KIF1B: variants seen among roughly 807,000 people sequenced by gnomAD.
The protein encoded by KIF1B is kinesin family member 1B.
In KIF1B, 76 loss-of-function variants were observed where a neutral mutation model predicts 241.9. The ratio of observed to expected loss-of-function variants is 0.31; its 90% CI spans 0.26 to 0.38. KIF1B has a LOEUF of 0.38. KIF1B is among the 10% of genes least tolerant of loss of function. The pLI is 1.00. For synonymous variants in KIF1B, 750 were observed against 796.7 expected, an observed-to-expected ratio of 0.94 and a Z score of 0.99; for missense variants, 1,622 against 2,271.4, an observed-to-expected ratio of 0.71 and a Z score of 5.81.
chr1:10,242,309 A>G (rs1237005628), intron 2 of KIF1B, among the ~76,000 whole-genome samples: 1 of 152,026 alleles, frequency 6.6e-6, no homozygotes, highest in East Asian at 1.9e-4. Context: ...TGCAAACAGC[A>G]TGGAGTGTAC....
In KIF1B at chr1:10,374,764, C is replaced by A. The variant is rs1252803086; in HGVS notation, c.5097-90C>A. The stretch of plus-strand genomic sequence containing the variant: ...TTGCCTGTTTCATCGAATCTAAGGA[C>A]TTGGCCTAAGTGTGGCGTATTTTGA... On this transcript the variant is annotated intron_variant, in intron 46 of 48. Coordinates refer to ENST00000676179, the MANE Select transcript of KIF1B (RefSeq NM_001365951.3). This position sits in a 1 kb window ranked among gnomAD's most constrained non-coding sequence, Gnocchi z 4.3. 2 of 1,246,864 alleles carry A rather than the reference C, an allele frequency of 1.6e-6. No homozygotes were observed. The highest frequency in any genetic ancestry group is 2.3e-5 in the East Asian group (1 of 42,724). 77.2% of individuals were successfully genotyped at this position (1,246,864 alleles called of 1,614,324 possible).
At chr1:10,291,971 T>G in intron 16 of KIF1B, 76 bp from the exon 17 acceptor site, 1 of 1,294,300 alleles carries the variant, frequency 7.7e-7, no homozygotes. Flanking sequence ...TTGCAGGCTT[T>G]ATTTTCCAAT....
intron 3 of KIF1B, among the ~76,000 whole-genome samples, chr1:10,256,651 C>G (rs1381243955): frequency 6.6e-6 from 1 of 151,094 alleles, no homozygotes; most frequent in Non-Finnish European, 1.5e-5. Flanking sequence ...TTAGGATCCT[C>G]ATTACCAACA....
At chr1:10,251,121 G>A (rs892983493) in intron 2 of KIF1B, among the ~76,000 whole-genome samples, 8 of 152,142 alleles carry the variant, frequency 5.3e-5, no homozygotes, top group African/African-American at 1.7e-4. Context: ...AGCCGAGATC[G>A]TGCCACTGCA....
chr1:10,260,886 C>CCACA (rs1168814982), intron 4 of KIF1B, among the ~76,000 whole-genome samples: 1 of 150,660 alleles, frequency 6.6e-6, no homozygotes, highest in Non-Finnish European at 1.5e-5. Flanking sequence ...AAAAAAGAAA[C>CCACA]CACACACACA....
intron 4 of KIF1B, among the ~76,000 whole-genome samples, chr1:10,260,470 C>T (rs146214571): frequency 8.5e-5 from 13 of 152,236 alleles, no homozygotes; most frequent in African/African-American, 2.4e-4. Flanking sequence ...AAAACAGTTT[C>T]CTTTCAATAA....
chr1:10,326,255 G>A lies in KIF1B; in HGVS notation c.2820G>A (p.Val940=), dbSNP rs2102301840. 6.2e-6 allele frequency: 10 copies of A among 1,614,204 alleles called. No homozygotes were observed. Among genetic ancestry groups the A allele is most frequent in the Non-Finnish European group, 8.5e-6 (10 of 1,180,034 alleles). The part of the protein sequence containing the change: ...EMEDFDDEAF[V]DDAGSDAGTE... Reference sequence around the variant, plus strand: ...AGGATTTTGATGATGAGGCATTCGTGGATGACGCCGGCTCTGACGCAGGGA... The same window carrying A: ...AGGATTTTGATGATGAGGCATTCGTAGATGACGCCGGCTCTGACGCAGGGA... The change falls in exon 27 of 49, where the codon GTG becomes GTA. Residue 940 remains valine (V), a synonymous_variant. Coordinates refer to ENST00000676179, the MANE Select transcript of KIF1B (RefSeq NM_001365951.3). The surrounding 1 kb of genome is among the most constrained non-coding windows in gnomAD (Gnocchi z 5.2).
At position 10,212,671 on chromosome 1, in the gene KIF1B, C is replaced by T. The variant is rs944876539; in HGVS notation, c.-80+1793C>T. On this transcript the variant is annotated intron_variant, in intron 1 of 48. Coordinates refer to ENST00000676179, the MANE Select transcript of KIF1B (RefSeq NM_001365951.3). ...GGCTGAGACAGGAGGATCCCTTGAGCTCAGGAGTTCGAGACCACCCTGGGC... is the reference window on the plus strand; with the variant it reads ...GGCTGAGACAGGAGGATCCCTTGAGTTCAGGAGTTCGAGACCACCCTGGGC... Among the ~76,000 whole-genome samples, 6 of 151,842 alleles carry T rather than the reference C, an allele frequency of 4.0e-5. 1 individual carries two copies. The South Asian group carries it at 1.0e-3, about 26-fold the overall frequency.
chr1:10,320,178 G>T (rs745891789), intron 23 of KIF1B, 42 bp downstream of exon 23: 1 of 1,329,724 alleles, frequency 7.5e-7, no homozygotes, highest in Admixed American at 1.7e-5. Context: ...ATATCTTTTT[G>T]AAGTTATATT....
At chr1:10,275,893 T>C (rs1030435470) in intron 11 of KIF1B, among the ~76,000 whole-genome samples, 2 of 149,506 alleles carry the variant, frequency 1.3e-5, no homozygotes, top group Non-Finnish European at 3.0e-5. Flanking sequence ...TCACTGTTCT[T>C]CATTCACTTC....
Position 10,337,334 on chromosome 1 carries a change from A to G in KIF1B, c.3260-37A>G. ...TGCCCAACTCCCTCCTCTTTGCATTATTTGAACCATCTGTGTCTTCATTTG... is the reference window on the plus strand; with the variant it reads ...TGCCCAACTCCCTCCTCTTTGCATTGTTTGAACCATCTGTGTCTTCATTTG... On this transcript the variant is annotated intron_variant, in intron 30 of 48. Transcript: ENST00000676179. The surrounding 1 kb of genome is among the most constrained non-coding windows in gnomAD (Gnocchi z 4.0). 6.2e-7 allele frequency: 1 copy of G among 1,614,042 alleles called. No homozygotes were observed. The highest frequency in any genetic ancestry group is 1.1e-5 in the South Asian group (1 of 91,080).
Position 10,303,255 on chromosome 1 carries a change from C to A in KIF1B, c.2115+6009C>A. ...CTTCTCTGAGAGAAAAGCTACCTCC[C>A]AGCAAGTTGCAAACCATTGTTAAAA... On this transcript the variant is annotated intron_variant, in intron 22 of 48. Coordinates refer to ENST00000676179, the MANE Select transcript of KIF1B (RefSeq NM_001365951.3). The surrounding 1 kb of genome is among the most constrained non-coding windows in gnomAD (Gnocchi z 5.2). 1 of 1,614,124 alleles carries A rather than the reference C, an allele frequency of 6.2e-7. No homozygotes were observed. Among genetic ancestry groups the A allele is most frequent in the Non-Finnish European group, 8.5e-7 (1 of 1,180,014 alleles).
At chr1:10,258,265 A>G (rs1255656795) in intron 3 of KIF1B, among the ~76,000 whole-genome samples, 3 of 152,148 alleles carry the variant, frequency 2.0e-5, no homozygotes, top group Non-Finnish European at 4.4e-5. Context: ...ATTTTTATGT[A>G]TGGCTGACCT....
At chr1:10,261,225 C>T (rs1648123844) in intron 4 of KIF1B, among the ~76,000 whole-genome samples, 1 of 151,656 alleles carries the variant, frequency 6.6e-6, no homozygotes. Context: ...CCTTGGCCTC[C>T]CAAAGTGCTG....
In KIF1B at chr1:10,365,744, T is replaced by G; in HGVS notation, c.4752+96T>G. ...TTTTCAACACCTTTGTTCGAGGTGTTTGAAGGCCTGTGATAATACTGTGAA... is the reference window on the plus strand; with the variant it reads ...TTTTCAACACCTTTGTTCGAGGTGTGTGAAGGCCTGTGATAATACTGTGAA... On this transcript the variant is annotated intron_variant, in intron 43 of 48. Transcript: ENST00000676179. The surrounding 1 kb of genome is among the most constrained non-coding windows in gnomAD (Gnocchi z 4.0). 2 of 1,527,350 alleles carry G rather than the reference T, an allele frequency of 1.3e-6. No homozygotes were observed. Among genetic ancestry groups the G allele is most frequent in the Non-Finnish European group, 1.8e-6 (2 of 1,112,400 alleles). 94.6% of individuals were successfully genotyped at this position (1,527,350 alleles called of 1,614,324 possible). A position where few individuals can be genotyped will look rare whatever the true frequency, so the allele number is the denominator to read the frequency against.
intron 35 of KIF1B, among the ~76,000 whole-genome samples, chr1:10,346,317 A>G (rs1027112780): frequency 2.0e-5 from 3 of 152,154 alleles, no homozygotes; most frequent in African/African-American, 7.2e-5. Context: ...CTCGTTAGCA[A>G]CAGCAAAATC....
rs769374853 is a variant in KIF1B, at chr1:10,343,332, A to G, written c.3688+45A>G. 35 of 1,567,624 alleles carry G rather than the reference A, an allele frequency of 2.2e-5. 1 individual carries two copies. The highest frequency in any genetic ancestry group is 2.0e-4 in the African/African-American group (15 of 73,836). On this transcript the variant is annotated intron_variant, in intron 34 of 48. Coordinates refer to ENST00000676179, the MANE Select transcript of KIF1B (RefSeq NM_001365951.3). The stretch of plus-strand genomic sequence containing the variant: ...TTTGCATGATGATCTCTTTGTGAAT[A>G]CATGTCTTATTCTGAATGACTTTTC...
intron 1 of KIF1B, among the ~76,000 whole-genome samples, chr1:10,231,493 TCTC>T (rs1302896262): frequency 2.0e-5 from 3 of 149,190 alleles, no homozygotes; most frequent in African/African-American, 5.0e-5. Context: ...TTCAAGCAAT[TCTC>T]CTGCCTCAGC....
chr1:10,227,413 T>A (rs1262433329), intron 1 of KIF1B, among the ~76,000 whole-genome samples: 2 of 152,210 alleles, frequency 1.3e-5, no homozygotes, highest in African/African-American at 2.4e-5. Context: ...TTCTGTAGAT[T>A]GTTTCATATA....
Sources: gnomAD v4.1 joint callset for allele counts (sites outside exome capture counted in the v4.1 genomes callset) on GRCh38, gnomAD v4.1.1 for gene constraint, Gnocchi (gnomAD v3.1) non-coding constraint, MANE v1.5 for transcripts, NCBI Gene and HGNC (gene_info 2026-07-23, HGNC 2026-07-21) for gene names.